The following CAMK2B variants were observed in gnomAD, a reference collection of about 807,000 sequenced individuals.
CAMK2B encodes the protein calcium/calmodulin dependent protein kinase II beta.
Under a neutral mutation model 93.7 loss-of-function variants are expected in CAMK2B, and 27 were observed. The observed-to-expected ratio is 0.29, with a 90% CI of 0.21 to 0.40. CAMK2B has a LOEUF of 0.40. Ranked by LOEUF, CAMK2B falls within the 10% of genes least tolerant of loss-of-function variation. CAMK2B has a pLI of 1.00. For synonymous variants in CAMK2B, 374 were observed against 358.8 expected (o/e 1.04, Z -0.48); for missense variants, 568 against 895.8 (o/e 0.63, Z 4.67).
At chr7:44,290,283 C>T (rs1280257740) in intron 1 of CAMK2B, among the ~76,000 whole-genome samples, 1 of 152,202 alleles carries the variant, frequency 6.6e-6, no homozygotes, top group Non-Finnish European at 1.5e-5. Flanking sequence ...CGAAATTTCC[C>T]ATCCAGTTTT....
rs1226105957 is a variant in CAMK2B at position 44,219,298 on chromosome 7, C to G, written c.*227G>C. On this transcript the variant is annotated 3_prime_UTR_variant, in exon 24 of 24. Coordinates refer to ENST00000395749, the MANE Select transcript of CAMK2B (RefSeq NM_001220.5). The stretch of plus-strand genomic sequence containing the variant: ...AGTTTTTTTTGTTTTTTTTTTTTTT[C>G]ATTTCATCTGATGTCAATTTTTTTT... The G allele has an allele frequency of 1.4e-5, 1 of 70,984 alleles. No individual in the cohort carries two copies. Among genetic ancestry groups the G allele is most frequent in the Non-Finnish European group, 2.9e-5 (1 of 34,056 alleles). The allele number at this position is 70,984 out of a possible 1,614,324, so 4.4% of individuals were successfully genotyped here.
At chr7:44,223,206 G>A (rs76345484) in intron 20 of CAMK2B, among the ~76,000 whole-genome samples, 17 of 152,306 alleles carry the variant, frequency 1.1e-4, no homozygotes, top group South Asian at 2.1e-4. Flanking sequence ...GTTGTGTGGC[G>A]TGGGCACATG....
At position 44,271,256 on chromosome 7, in the gene CAMK2B, C is replaced by T. The variant is rs572908129; in HGVS notation, c.161-8192G>A. Among the ~76,000 whole-genome samples the T allele has an allele frequency of 1.8e-4, 28 of 152,338 alleles. No homozygotes were observed. The highest frequency in any genetic ancestry group is 6.7e-4 in the African/African-American group (28 of 41,576). Reference sequence around the variant, plus strand: ...ACAGCTCGCCAACATCCACATCAAACACCAGCCAGGCACACTCTGCACCCT... The same window carrying T: ...ACAGCTCGCCAACATCCACATCAAATACCAGCCAGGCACACTCTGCACCCT... On this transcript the variant is annotated intron_variant, in intron 2 of 23. Coordinates refer to ENST00000395749, the MANE Select transcript of CAMK2B (RefSeq NM_001220.5). This position sits in a 1 kb window ranked among gnomAD's most constrained non-coding sequence, Gnocchi z 4.2.
chr7:44,249,300 C>T (rs1220444323), intron 5 of CAMK2B, among the ~76,000 whole-genome samples: 1 of 152,158 alleles, frequency 6.6e-6, no homozygotes, highest in East Asian at 1.9e-4. Context: ...CAGACTCAGC[C>T]TCCCTGCAAG....
intron 1 of CAMK2B, among the ~76,000 whole-genome samples, chr7:44,303,504 A>T (rs1337513175): frequency 6.6e-6 from 1 of 152,224 alleles, no homozygotes; most frequent in Non-Finnish European, 1.5e-5. Context: ...CAGATAGAGA[A>T]AGGATAGCCT....
At chr7:44,234,262 A>C (rs2096605128) in intron 15 of CAMK2B, 128 bp downstream of exon 15, 1 of 763,774 alleles carries the variant, frequency 1.3e-6, no homozygotes, top group Non-Finnish European at 2.1e-6. Context: ...GGCGGGGGCC[A>C]TGCGAGTGCT....
At chr7:44,301,739 T>C (rs1275139298) in intron 1 of CAMK2B, among the ~76,000 whole-genome samples, 2 of 151,166 alleles carry the variant, frequency 1.3e-5, no homozygotes, top group Non-Finnish European at 2.9e-5. Flanking sequence ...ATCGCGCCAC[T>C]GCACTCCAGC....
At chr7:44,280,935 G>C (rs767278497) in intron 2 of CAMK2B, among the ~76,000 whole-genome samples, 4 of 152,318 alleles carry the variant, frequency 2.6e-5, no homozygotes, top group Middle Eastern at 3.4e-3. Flanking sequence ...TGAGGGGAAG[G>C]GGGTGCCTGG....
intron 1 of CAMK2B, among the ~76,000 whole-genome samples, chr7:44,307,014 GAAGAAGA>G (rs1791913685): frequency 1.5e-5 from 2 of 131,330 alleles, no homozygotes; most frequent in South Asian, 2.8e-4. Context: ...GTGTGAGCAG[GAAGAAGA>G]GGGTGTGAGC....
chr7:44,226,575 G>T lies in CAMK2B; in HGVS notation c.1538C>A (p.Ser513Ter). The change falls in exon 20 of 24, where the codon TCG becomes TAG. Residue 513 changes from serine to a stop codon, truncating the protein, a stop_gained. Coordinates refer to ENST00000395749, the MANE Select transcript of CAMK2B (RefSeq NM_001220.5). LOFTEE classifies it high-confidence loss of function. ...TGGGCAGGGCGGGGGCCCCACTGGC[G>T]AGGGGCCCTCGGCTTCTGGGGTCCC... ...GSGTPEAEGPSPVGPPPCPSP... is the reference protein window; with the variant it reads ...GSGTPEAEGP The T allele has an allele frequency of 1.3e-6, 2 of 1,484,104 alleles. No homozygotes were observed. Among genetic ancestry groups the T allele is most frequent in the African/African-American group, 1.5e-5 (1 of 67,986 alleles). The allele number at this position is 1,484,104 out of a possible 1,614,324, so 91.9% of individuals were successfully genotyped here. A position where few individuals can be genotyped will look rare whatever the true frequency, so the allele number is the denominator to read the frequency against.
At chr7:44,299,542 T>C (rs1177976101) in intron 1 of CAMK2B, among the ~76,000 whole-genome samples, 4 of 152,230 alleles carry the variant, frequency 2.6e-5, no homozygotes, top group Non-Finnish European at 5.9e-5. Context: ...TTTTTATGTA[T>C]ATATGACACA....
chr7:44,258,954 C>G (rs755876330), intron 3 of CAMK2B, 28 bp from the exon 4 acceptor site: 2 of 1,605,734 alleles, frequency 1.2e-6, no homozygotes, highest in South Asian at 2.2e-5. Flanking sequence ...CCATGAGGGG[C>G]TGGCAATAGC....
Position 44,232,802 on chromosome 7 carries a change from G to T in CAMK2B, c.1176+20C>A. 6.2e-7 allele frequency: 1 copy of T among 1,613,056 alleles called. No homozygotes were observed. The highest frequency in any genetic ancestry group is 1.1e-5 in the South Asian group (1 of 91,070). ...AGCCTCCTGCCTGGGGAAAGCGGGAGGAGGAAAGTGGGGCAGTACCTTAAT... is the reference window on the plus strand; with the variant it reads ...AGCCTCCTGCCTGGGGAAAGCGGGATGAGGAAAGTGGGGCAGTACCTTAAT... On this transcript the variant is annotated intron_variant, in intron 16 of 23. Transcript: ENST00000395749.
At chr7:44,232,696 G>T in intron 16 of CAMK2B, 126 bp downstream of exon 16, 1 of 787,090 alleles carries the variant, frequency 1.3e-6, no homozygotes, top group Non-Finnish European at 2.0e-6. Context: ...CTACCGTACT[G>T]CGGGGAGGGG....
At chr7:44,317,563 A>G (rs1239092808) in intron 1 of CAMK2B, among the ~76,000 whole-genome samples, 2 of 152,180 alleles carry the variant, frequency 1.3e-5, no homozygotes, top group Non-Finnish European at 2.9e-5. Context: ...GATTACAGGC[A>G]CGAGCCACCG....
chr7:44,313,332 G>A (rs1794037235), intron 1 of CAMK2B, among the ~76,000 whole-genome samples: 1 of 152,152 alleles, frequency 6.6e-6, no homozygotes, highest in South Asian at 2.1e-4. Flanking sequence ...TAGGGGCCCA[G>A]GCTTTCTCTG....
chr7:44,226,755 G>C, intron 19 of CAMK2B, 111 bp from the exon 20 acceptor site: 2 of 680,806 alleles, frequency 2.9e-6, no homozygotes, highest in Non-Finnish European at 2.2e-6. Flanking sequence ...AGGCAGATGT[G>C]GGGGATGGGG....
chr7:44,243,602 T>G, intron 6 of CAMK2B, 75 bp from the exon 7 acceptor site: 1 of 1,193,766 alleles, frequency 8.4e-7, no homozygotes. Context: ...GGTGGGGGGT[T>G]ACAAAACAGA....
intron 22 of CAMK2B, 45 bp from the exon 23 acceptor site, chr7:44,220,339 C>A: frequency 6.9e-7 from 1 of 1,441,370 alleles, no homozygotes; most frequent in Non-Finnish European, 9.7e-7. Flanking sequence ...ACCATGACTG[C>A]CCTGGTGCCC....
Sources: allele counts gnomAD v4.1 joint callset (sites outside exome capture counted in the v4.1 genomes callset), GRCh38; gene constraint gnomAD v4.1.1; non-coding constraint Gnocchi (gnomAD v3.1); transcripts MANE v1.5; gene names NCBI Gene and HGNC (gene_info 2026-07-23, HGNC 2026-07-21).